SLC13A3: variants seen among roughly 807,000 people sequenced by gnomAD.
The protein encoded by SLC13A3 is Na(+)/dicarboxylate cotransporter 3.
A neutral mutation model predicts 59.0 loss-of-function variants in SLC13A3; 40 were observed. The ratio of observed to expected loss-of-function variants is 0.68; its 90% CI spans 0.53 to 0.88. SLC13A3 has a LOEUF of 0.88. Ranked by LOEUF, SLC13A3 falls within the 40% of genes least tolerant of loss-of-function variation. SLC13A3 has a pLI of 0.00. For synonymous variants in SLC13A3, 317 were observed against 330.3 expected (o/e 0.96, Z 0.44); for missense variants, 699 against 783.2 (o/e 0.89, Z 1.28).
At chr20:46,629,432 T>C (rs2062714230) in intron 1 of SLC13A3, among the ~76,000 whole-genome samples, 1 of 152,244 alleles carries the variant, frequency 6.6e-6, no homozygotes, top group African/African-American at 2.4e-5. Context: ...TCTTTCAACC[T>C]GCATATGTTT....
At chr20:46,581,786 G>A (rs1265330881) in intron 9 of SLC13A3, among the ~76,000 whole-genome samples, 1 of 152,154 alleles carries the variant, frequency 6.6e-6, no homozygotes, top group East Asian at 1.9e-4. Flanking sequence ...AACTATAAAG[G>A]TGCAAAACCT....
intron 1 of SLC13A3, among the ~76,000 whole-genome samples, chr20:46,631,311 C>T (rs2062733700): frequency 6.6e-6 from 1 of 152,176 alleles, no homozygotes; most frequent in Non-Finnish European, 1.5e-5. Flanking sequence ...CAGTGCTGAA[C>T]AAAGTGGAGA....
intron 10 of SLC13A3, 39 bp downstream of exon 10, chr20:46,575,534 C>T: frequency 7.7e-7 from 1 of 1,301,012 alleles, no homozygotes; most frequent in South Asian, 1.4e-5. Context: ...CACCTGCCTC[C>T]CACTGTTCCT....
intron 6 of SLC13A3, among the ~76,000 whole-genome samples, chr20:46,590,355 G>C (rs1363907954): frequency 6.6e-6 from 1 of 151,840 alleles, no homozygotes; most frequent in African/African-American, 2.4e-5. Flanking sequence ...CAATTCTGCA[G>C]GGAGAAAAGC....
chr20:46,613,501 G>A lies in SLC13A3; in HGVS notation c.336C>T (p.Ile112=), dbSNP rs200268336. The A allele has an allele frequency of 3.3e-4, 529 of 1,610,132 alleles. 3 individuals carry two copies. Among genetic ancestry groups the A allele is most frequent in the South Asian group, 2.6e-3 (239 of 90,368 alleles). ...CAACAAGCATCAGGATCTTGAGGGC[G>A]ATTCGCCGGTGCAGGTTCCACTCCT... The part of the protein sequence containing the change: ...AIEEWNLHRR[I]ALKILMLVGV... Residue 112 remains isoleucine, a synonymous_variant, in exon 2 of 13, where the codon ATC becomes ATT. Transcript: ENST00000279027.
chr20:46,603,485 C>G (rs1334911609), intron 3 of SLC13A3, among the ~76,000 whole-genome samples: 1 of 151,866 alleles, frequency 6.6e-6, no homozygotes, highest in East Asian at 1.9e-4. Context: ...AGTGATCCTC[C>G]CACCTCAGCC....
At chr20:46,560,921 T>C (rs1330173028) in intron 12 of SLC13A3, among the ~76,000 whole-genome samples, 1 of 152,190 alleles carries the variant, frequency 6.6e-6, no homozygotes, top group East Asian at 1.9e-4. Flanking sequence ...AGACAGTTAC[T>C]TCCTTTCTAA....
intron 1 of SLC13A3, among the ~76,000 whole-genome samples, chr20:46,618,864 C>T (rs925556855): frequency 6.6e-6 from 1 of 152,226 alleles, no homozygotes; most frequent in Non-Finnish European, 1.5e-5. Flanking sequence ...GTTTCAGAAG[C>T]ACACTTGGCC....
chr20:46,646,559 T>C (rs2062896387), intron 1 of SLC13A3, among the ~76,000 whole-genome samples: 1 of 152,154 alleles, frequency 6.6e-6, no homozygotes, highest in Non-Finnish European at 1.5e-5. Flanking sequence ...ACTTCACAAA[T>C]GAGACTCAGC....
At chr20:46,674,115 A>G (rs2063108238), upstream of SLC13A3, among the ~76,000 whole-genome samples, 1 of 152,164 alleles carries the variant, frequency 6.6e-6, no homozygotes, top group Non-Finnish European at 1.5e-5. Context: ...ACCAAATTCC[A>G]TTCTTCCCTC....
At chr20:46,627,881 G>A (rs2062692357) in intron 1 of SLC13A3, among the ~76,000 whole-genome samples, 1 of 152,200 alleles carries the variant, frequency 6.6e-6, no homozygotes, top group African/African-American at 2.4e-5. Context: ...ATAAACTGAG[G>A]TCTGGAGAGG....
At chr20:46,597,262 T>C (rs1338712973) in intron 4 of SLC13A3, among the ~76,000 whole-genome samples, 1 of 121,608 alleles carries the variant, frequency 8.2e-6, no homozygotes, top group Non-Finnish European at 1.7e-5. Context: ...AATTACTAAG[T>C]ACATAAGTAA....
chr20:46,582,610 A>G, intron 9 of SLC13A3: 8 of 972,002 alleles, frequency 8.2e-6, no homozygotes, highest in Non-Finnish European at 9.8e-6. Flanking sequence ...TAAAAAAAAA[A>G]GAAGAAGAAG....
In SLC13A3 at chr20:46,663,696, C is replaced by T. The variant is rs142486013; in HGVS notation, c.-31+6347G>A. ...CTATGAAATAGGTTCTATTATATTC[C>T]CATTTTGCAGAGGAGGAAACTGAGG... On this transcript the variant is annotated intron_variant, in intron 1 of 12. Coordinates refer to the SLC13A3 transcript ENST00000290317. 5.9e-5 allele frequency among the ~76,000 whole-genome samples: 9 copies of T among 152,100 alleles called. No homozygotes were observed. The East Asian group carries it at 1.7e-3, about 29-fold the overall frequency.
At chr20:46,584,131 G>T (rs2062168226) in intron 8 of SLC13A3, 2 of 985,158 alleles carry the variant, frequency 2.0e-6, no homozygotes, top group Non-Finnish European at 2.4e-6. Flanking sequence ...CAGCCTCTTG[G>T]CCCCTCAAAA....
At chr20:46,609,448 C>T (rs1235430124) in intron 3 of SLC13A3, among the ~76,000 whole-genome samples, 1 of 152,220 alleles carries the variant, frequency 6.6e-6, no homozygotes, top group Non-Finnish European at 1.5e-5. Flanking sequence ...CTATTTACTT[C>T]ACAAAGCCTC....
At chr20:46,585,339 G>A (rs1568921037) in intron 8 of SLC13A3, 1 of 1,000,766 alleles carries the variant, frequency 1.0e-6, no homozygotes, top group Non-Finnish European at 1.2e-6. Context: ...TGGATAAAGA[G>A]CCACTAACTT....
chr20:46,683,582 T>A (rs1202743536), intron 1 of SLC13A3, among the ~76,000 whole-genome samples: 1 of 152,210 alleles, frequency 6.6e-6, no homozygotes, highest in Non-Finnish European at 1.5e-5. Context: ...CCAGCTCATC[T>A]ATAAAACTCC....
intron 10 of SLC13A3, among the ~76,000 whole-genome samples, chr20:46,571,137 GTC>G (rs1271972977): frequency 3.3e-5 from 5 of 152,146 alleles, no homozygotes; most frequent in African/African-American, 1.2e-4. Flanking sequence ...CTCACTCATT[GTC>G]ACAAGAACAG....
Sources: gnomAD v4.1 joint callset for allele counts (sites outside exome capture counted in the v4.1 genomes callset) on GRCh38, gnomAD v4.1.1 for gene constraint, MANE v1.5 for transcripts, NCBI Gene and HGNC (gene_info 2026-07-23, HGNC 2026-07-21) for gene names.